Variants in RABGAP1L observed in about 807,000 individuals in gnomAD.
RABGAP1L encodes the protein RAB GTPase activating protein 1 like.
RABGAP1L carries 63 observed loss-of-function variants against 137.7 expected under a neutral mutation model. That is an observed-to-expected ratio of 0.46 (90% CI 0.37 to 0.56). RABGAP1L has a LOEUF of 0.56. Among genes scored for constraint, RABGAP1L ranks in the 20% least tolerant of loss-of-function variants. RABGAP1L has a pLI of 0.00. For missense variants in RABGAP1L, 1,095 were observed against 1,244.0 expected, an observed-to-expected ratio of 0.88 and a Z score of 1.80; for synonymous variants, 431 against 433.7, an observed-to-expected ratio of 0.99 and a Z score of 0.08.
At chr1:174,854,714 GCTTTTTTTTTTTTTTTTTTTTTTTTTTTT>G (rs1648967879) in intron 19 of RABGAP1L, among the ~76,000 whole-genome samples, 1 of 58,572 alleles carries the variant, frequency 1.7e-5, no homozygotes, top group Non-Finnish European at 3.4e-5. Context: ...CAATATAAAT[GCTTTTTTTTTTTTTTTTTTTTTTTTTTTT>G]TTTTTTTTTT....
intron 15 of RABGAP1L, among the ~76,000 whole-genome samples, chr1:174,688,818 TA>T (rs976310292): frequency 6.6e-6 from 1 of 152,074 alleles, no homozygotes; most frequent in African/African-American, 2.4e-5. Context: ...AGATTTAGTT[TA>T]AAAAAAGCAA....
chr1:174,651,686 T>C (rs1462985308), intron 14 of RABGAP1L, among the ~76,000 whole-genome samples: 1 of 152,202 alleles, frequency 6.6e-6, no homozygotes, highest in Non-Finnish European at 1.5e-5. Flanking sequence ...TCCATTTGCT[T>C]GGTAGATCTT....
chr1:174,354,248 TA>T (rs1191209867), intron 11 of RABGAP1L, among the ~76,000 whole-genome samples: 11 of 151,726 alleles, frequency 7.2e-5, no homozygotes, highest in East Asian at 5.8e-4. Flanking sequence ...CTTTTTTTTT[TA>T]AATTCAATTT....
chr1:174,534,180 GTGTCC>G (rs1664686886), intron 13 of RABGAP1L, among the ~76,000 whole-genome samples: 1 of 136,378 alleles, frequency 7.3e-6, no homozygotes, highest in South Asian at 2.3e-4. Flanking sequence ...GTGTGTGTGT[GTGTCC>G]CTAAACAATA....
At chr1:174,405,209 A>G (rs1260695323) in intron 13 of RABGAP1L, among the ~76,000 whole-genome samples, 1 of 152,246 alleles carries the variant, frequency 6.6e-6, no homozygotes, top group East Asian at 1.9e-4. Flanking sequence ...TATCTGCTAC[A>G]TCGTTTTTTA....
intron 1 of RABGAP1L, among the ~76,000 whole-genome samples, chr1:174,208,573 A>G (rs1389635069): frequency 6.6e-6 from 1 of 152,182 alleles, no homozygotes; most frequent in Non-Finnish European, 1.5e-5. Flanking sequence ...ATTGATATGT[A>G]GGGTGACATT....
chr1:174,580,526 C>A (rs1157487416), intron 13 of RABGAP1L, among the ~76,000 whole-genome samples: 1 of 151,880 alleles, frequency 6.6e-6, no homozygotes, highest in Non-Finnish European at 1.5e-5. Context: ...CAAACTATCA[C>A]AAGGACAAAA....
Position 174,449,259 on chromosome 1 carries a change from A to G in RABGAP1L, c.1710+55114A>G, listed in dbSNP as rs1003635851. On this transcript the variant is annotated intron_variant, in intron 13 of 25. Transcript: ENST00000681986. Reference sequence around the variant, plus strand: ...TGGTTTTGGATCATATTCTAGATTCATCTGGAAATTTGCCATCAGAGAAAT... The same window carrying G: ...TGGTTTTGGATCATATTCTAGATTCGTCTGGAAATTTGCCATCAGAGAAAT... The G allele has an allele frequency of 7.9e-6, 11 of 1,390,256 alleles. No homozygotes were observed. In the African/African-American group the frequency reaches 1.3e-4, roughly 16 times the overall value. 86.1% of individuals were successfully genotyped at this position (1,390,256 alleles called of 1,614,324 possible).
At chr1:174,383,638 C>G (rs546447298) in intron 12 of RABGAP1L, among the ~76,000 whole-genome samples, 2 of 152,208 alleles carry the variant, frequency 1.3e-5, no homozygotes, top group South Asian at 2.1e-4. Context: ...ATGCCTCGCC[C>G]TGCTTCGGCT....
At chr1:174,392,447 A>T (rs965909423) in intron 12 of RABGAP1L, among the ~76,000 whole-genome samples, 28 of 152,198 alleles carry the variant, frequency 1.8e-4, no homozygotes, top group African/African-American at 6.5e-4. Flanking sequence ...ACGTTAAGTC[A>T]TATAAACTCT....
chr1:174,442,874 C>T (rs1654315236), intron 13 of RABGAP1L, among the ~76,000 whole-genome samples: 1 of 151,974 alleles, frequency 6.6e-6, no homozygotes, highest in Admixed American at 6.6e-5. Context: ...ATTCCTTTTT[C>T]CCTACCCTTC....
At chr1:174,522,418 A>T (rs936296445) in intron 13 of RABGAP1L, among the ~76,000 whole-genome samples, 1 of 152,028 alleles carries the variant, frequency 6.6e-6, no homozygotes, top group Non-Finnish European at 1.5e-5. Context: ...CTCTACAAAA[A>T]CTTAGCTGGG....
intron 17 of RABGAP1L, among the ~76,000 whole-genome samples, chr1:174,749,632 AAGATAAGGGCTTGTAAAGACT>A (rs1684181326): frequency 6.6e-6 from 1 of 152,184 alleles, no homozygotes; most frequent in South Asian, 2.1e-4. Context: ...TGTCTGGGTT[AAGATAAGGGCTTGTAAAGACT>A]AGAGTTCTTA....
Position 174,698,689 on chromosome 1 carries a change from G to C in RABGAP1L, c.1900-836G>C, listed in dbSNP as rs570102460. On this transcript the variant is annotated intron_variant, in intron 15 of 25. Transcript: ENST00000681986. ...GTAATTGCTTTTAAAAAAATAAAGA[G>C]ACAACTCTTTATATACTGAGATAGA... Among the ~76,000 whole-genome samples the C allele has an allele frequency of 1.6e-4, 24 of 151,488 alleles. No individual in the cohort carries two copies. The South Asian group carries it at 2.1e-3, about 13-fold the overall frequency.
intron 19 of RABGAP1L, among the ~76,000 whole-genome samples, chr1:174,907,957 T>C (rs1024713902): frequency 6.6e-6 from 1 of 152,152 alleles, no homozygotes; most frequent in Non-Finnish European, 1.5e-5. Flanking sequence ...ATAGACTTAA[T>C]GTGAAGGGGT....
intron 19 of RABGAP1L, among the ~76,000 whole-genome samples, chr1:174,876,589 A>T (rs1653140851): frequency 6.6e-6 from 1 of 152,188 alleles, no homozygotes; most frequent in South Asian, 2.1e-4. Flanking sequence ...CTGTAATTTA[A>T]AAAGCACTAC....
At chr1:174,387,290 G>A (rs1686873856) in intron 12 of RABGAP1L, among the ~76,000 whole-genome samples, 1 of 152,202 alleles carries the variant, frequency 6.6e-6, no homozygotes, top group Admixed American at 6.5e-5. Context: ...GACTTTAACA[G>A]ACACTGCTGA....
rs140447767 is a variant in RABGAP1L at position 174,901,917 on chromosome 1, C to G, written c.2341-55540C>G. On this transcript the variant is annotated intron_variant, in intron 19 of 25. Coordinates refer to ENST00000681986, the MANE Select transcript of RABGAP1L (RefSeq NM_001366446.1). The stretch of plus-strand genomic sequence containing the variant: ...TCTGTTTGTTTTTCTTTTTAACAAT[C>G]AGGCCACTCTATCTATCGTAGGACT... Among the ~76,000 whole-genome samples the G allele has an allele frequency of 1.4e-3, 206 of 152,252 alleles. 1 individual carries two copies. Among genetic ancestry groups the G allele is most frequent in the Non-Finnish European group, 4.1e-4 (28 of 68,020 alleles).
chr1:174,394,472 T>TA (rs1647567898), intron 13 of RABGAP1L, among the ~76,000 whole-genome samples: 1 of 152,202 alleles, frequency 6.6e-6, no homozygotes, highest in Non-Finnish European at 1.5e-5. Flanking sequence ...TATATAGTTA[T>TA]AATCATACAT....
Sources: allele counts gnomAD v4.1 joint callset (sites outside exome capture counted in the v4.1 genomes callset), GRCh38; gene constraint gnomAD v4.1.1; transcripts MANE v1.5; gene names NCBI Gene and HGNC (gene_info 2026-07-23, HGNC 2026-07-21).